The following EYA4 variants were observed in gnomAD, a reference collection of about 807,000 sequenced individuals.
The protein encoded by EYA4 is protein phosphatase EYA4.
Under a neutral mutation model 87.9 loss-of-function variants are expected in EYA4, and 31 were observed. That is an observed-to-expected ratio of 0.35 (90% confidence interval 0.27 to 0.48). The LOEUF (loss-of-function observed/expected upper bound fraction) is 0.48. Ranked by LOEUF, EYA4 falls within the 20% of genes least tolerant of loss-of-function variation. The probability of loss-of-function intolerance (pLI) is 0.99; values close to 1 mark genes in which losing one functional copy is unlikely to be tolerated. For missense variants in EYA4, 678 were observed against 761.4 expected, an observed-to-expected ratio of 0.89 and a Z score of 1.29; for synonymous variants, 263 against 270.6, an observed-to-expected ratio of 0.97 and a Z score of 0.28.
intron 2 of EYA4, among the ~76,000 whole-genome samples, chr6:133,311,940 T>C (rs1403264567): frequency 6.6e-6 from 1 of 152,196 alleles, no homozygotes; most frequent in Non-Finnish European, 1.5e-5. Context: ...AGAATAGATA[T>C]TATCCACGTA....
chr6:133,446,292 A>AT (rs924358542), intron 3 of EYA4, among the ~76,000 whole-genome samples: 2 of 151,958 alleles, frequency 1.3e-5, no homozygotes, highest in Non-Finnish European at 2.9e-5. Flanking sequence ...TCATAGGATT[A>AT]TTTTTTGTTA....
In EYA4 at chr6:133,512,765, T is replaced by G; in HGVS notation, c.1326T>G (p.Asn442Lys). ...TAGATGATGTTTCCTCTGATGATAA[T>G]GGGCAGGACTTAAGGTAAGCTATGC... ...VHIDDVSSDD[N>K]GQDLSTYSFA... The change falls in exon 15 of 20, where the codon AAT becomes AAG. Residue 442 changes from asparagine (N) to lysine (K), a missense_variant. By Grantham distance (94) the Asn-to-Lys change is moderately conservative. Coordinates refer to ENST00000355286, the MANE Select transcript of EYA4 (RefSeq NM_004100.5). The G allele has an allele frequency of 6.2e-7, 1 of 1,613,328 alleles. No individual in the cohort carries two copies. The highest frequency in any genetic ancestry group is 8.5e-7 in the Non-Finnish European group (1 of 1,179,204).
chr6:133,338,564 C>T (rs1434380361), intron 2 of EYA4, among the ~76,000 whole-genome samples: 1 of 152,100 alleles, frequency 6.6e-6, no homozygotes. Context: ...AGTTAGATAT[C>T]ATAATCATTC....
chr6:133,437,508 T>C (rs1791803657), intron 3 of EYA4, among the ~76,000 whole-genome samples: 1 of 152,178 alleles, frequency 6.6e-6, no homozygotes, highest in South Asian at 2.1e-4. Flanking sequence ...AATACGTTAT[T>C]TTAAAGATTA....
At chr6:133,381,600 T>G (rs1041610771) in intron 2 of EYA4, among the ~76,000 whole-genome samples, 3 of 152,172 alleles carry the variant, frequency 2.0e-5, no homozygotes, top group Non-Finnish European at 2.9e-5. Flanking sequence ...AATAGTGGGC[T>G]TATAAATGTA....
At chr6:133,518,606 G>A (rs982281646) in intron 17 of EYA4, among the ~76,000 whole-genome samples, 1 of 152,066 alleles carries the variant, frequency 6.6e-6, no homozygotes, top group Non-Finnish European at 1.5e-5. Flanking sequence ...TCAGAATAAC[G>A]AAAGATGTAA....
At chr6:133,367,274 G>A (rs1438039148) in intron 2 of EYA4, among the ~76,000 whole-genome samples, 1 of 152,182 alleles carries the variant, frequency 6.6e-6, no homozygotes, top group South Asian at 2.1e-4. Flanking sequence ...GCTGAGAAGA[G>A]TAGAAGACAC....
intron 2 of EYA4, among the ~76,000 whole-genome samples, chr6:133,305,052 C>T (rs1302507283): frequency 6.6e-6 from 1 of 152,056 alleles, no homozygotes; most frequent in Non-Finnish European, 1.5e-5. Context: ...TGAATGAAGA[C>T]CTGAGGACAT....
At chr6:133,307,674 C>A (rs538238271) in intron 2 of EYA4, among the ~76,000 whole-genome samples, 3 of 152,112 alleles carry the variant, frequency 2.0e-5, no homozygotes, top group Non-Finnish European at 4.4e-5. Context: ...TTACTGAGGC[C>A]TTACCATGTA....
intron 3 of EYA4, among the ~76,000 whole-genome samples, chr6:133,391,136 C>G (rs1787232872): frequency 6.6e-6 from 1 of 151,718 alleles, no homozygotes. Flanking sequence ...TTAGTTAGGA[C>G]TCTTATTGGT....
intron 1 of EYA4, among the ~76,000 whole-genome samples, chr6:133,260,726 A>G (rs1562217765): frequency 6.6e-6 from 1 of 152,198 alleles, no homozygotes; most frequent in African/African-American, 2.4e-5. Context: ...TGCAAGGCTG[A>G]AGTTTTGATT....
intron 11 of EYA4, among the ~76,000 whole-genome samples, chr6:133,474,888 C>G (rs970993612): frequency 1.1e-4 from 16 of 152,048 alleles, no homozygotes; most frequent in African/African-American, 3.9e-4. Context: ...ACAGTCACTG[C>G]TGAATTCTAC....
At chr6:133,359,033 G>A (rs9493609) in intron 2 of EYA4, among the ~76,000 whole-genome samples, 3,082 of 152,236 alleles carry the variant, frequency 0.02, 87 homozygotes, top group African/African-American at 0.066. Context: ...GAAAAAAAAG[G>A]CCCTTTTTGT....
intron 6 of EYA4, among the ~76,000 whole-genome samples, chr6:133,457,982 G>T (rs886346299): frequency 6.6e-6 from 1 of 152,084 alleles, no homozygotes; most frequent in African/African-American, 2.4e-5. Context: ...AGTGGTTAAG[G>T]CCATACAGTC....
intron 17 of EYA4, among the ~76,000 whole-genome samples, chr6:133,519,878 G>C (rs1343222323): frequency 3.3e-5 from 5 of 150,744 alleles, no homozygotes; most frequent in Non-Finnish European, 4.4e-5. Context: ...CATATAAACA[G>C]AGCCAAAGAC....
intron 1 of EYA4, among the ~76,000 whole-genome samples, chr6:133,261,958 CATACATTT>C (rs1422484891): frequency 5.0e-4 from 76 of 152,272 alleles, no homozygotes; most frequent in African/African-American, 1.8e-3. Context: ...TTTCCAAGAT[CATACATTT>C]ATCCAGTAGT....
chr6:133,312,515 C>T (rs1780307259), intron 2 of EYA4, among the ~76,000 whole-genome samples: 1 of 152,128 alleles, frequency 6.6e-6, no homozygotes, highest in Non-Finnish European at 1.5e-5. Flanking sequence ...ATGCCTAACT[C>T]ATTATGGTGA....
At chr6:133,517,509 A>G (rs1048973542) in intron 17 of EYA4, among the ~76,000 whole-genome samples, 2 of 151,674 alleles carry the variant, frequency 1.3e-5, no homozygotes, top group Non-Finnish European at 2.9e-5. Flanking sequence ...TAATTGAATC[A>G]GAATGCAGAA....
intron 2 of EYA4, among the ~76,000 whole-genome samples, chr6:133,347,243 A>G (rs922579924): frequency 1.3e-5 from 2 of 152,136 alleles, no homozygotes; most frequent in Admixed American, 6.6e-5. Flanking sequence ...CAAACCATGC[A>G]TTTCCCCACA....
Sources: allele counts gnomAD v4.1 joint callset (sites outside exome capture counted in the v4.1 genomes callset), GRCh38; gene constraint gnomAD v4.1.1; transcripts MANE v1.5; gene names NCBI Gene and HGNC (gene_info 2026-07-23, HGNC 2026-07-21).